DIAPH2: variants seen among roughly 807,000 people sequenced by gnomAD.
The protein encoded by DIAPH2 is diaphanous related formin 2, also known as protein diaphanous homolog 2.
Under a neutral mutation model 92.7 loss-of-function variants are expected in DIAPH2, and 35 were observed. The ratio of observed to expected loss-of-function variants is 0.38; its 90% CI spans 0.29 to 0.50. The LOEUF (loss-of-function observed/expected upper bound fraction) is 0.50, where lower values mean the gene tolerates loss of function less well. Among genes scored for constraint, DIAPH2 ranks in the 20% least tolerant of loss-of-function variants. The pLI is 0.94. For synonymous variants in DIAPH2, 301 were observed against 280.4 expected (o/e 1.07, Z -0.73); for missense variants, 701 against 819.5 (o/e 0.86, Z 1.77).
intron 7 of DIAPH2, among the ~76,000 whole-genome samples, chrX:96,915,603 A>G (rs1467268337): frequency 4.5e-5 from 5 of 111,257 alleles, no homozygotes; most frequent in African/African-American, 1.3e-4. Flanking sequence ...TTTTGCTCCG[A>G]TGAAATATCC....
At chrX:96,878,945 G>A (rs2065195819) in intron 4 of DIAPH2, among the ~76,000 whole-genome samples, 1 of 111,589 alleles carries the variant, frequency 9.0e-6, no homozygotes, top group Non-Finnish European at 1.9e-5. Flanking sequence ...TCTTCAGCAT[G>A]TTGAAACTCA....
At chrX:97,071,078 A>C (rs144244327) in intron 17 of DIAPH2, among the ~76,000 whole-genome samples, 1,991 of 111,042 alleles carry the variant, frequency 0.018, 22 homozygotes, top group Non-Finnish European at 0.029. Context: ...AATTTTCTTG[A>C]CTATTTCCTT....
intron 25 of DIAPH2, among the ~76,000 whole-genome samples, chrX:97,420,896 C>G (rs2070001800): frequency 1.8e-5 from 2 of 111,959 alleles, no homozygotes; most frequent in South Asian, 7.4e-4. Flanking sequence ...TATTTATGCC[C>G]TCTTCTAATC....
At chrX:96,792,276 T>C (rs1236085515) in intron 4 of DIAPH2, among the ~76,000 whole-genome samples, 1 of 111,998 alleles carries the variant, frequency 8.9e-6, no homozygotes, top group East Asian at 2.8e-4. Context: ...CAGTCCTTGA[T>C]TGCTCCTTTT....
At chrX:97,542,526 C>T (rs902889747) in intron 26 of DIAPH2, among the ~76,000 whole-genome samples, 4 of 112,178 alleles carry the variant, frequency 3.6e-5, no homozygotes, top group African/African-American at 1.3e-4. Context: ...TTGCTCTAAG[C>T]GAAGGCAGTT....
chrX:96,856,785 C>T (rs1420906131), intron 4 of DIAPH2, among the ~76,000 whole-genome samples: 1 of 110,361 alleles, frequency 9.1e-6, no homozygotes, highest in African/African-American at 3.3e-5. Context: ...CCCTGTAATC[C>T]CAGCACTTGG....
chrX:97,417,713 C>T (rs143061062), intron 25 of DIAPH2, among the ~76,000 whole-genome samples: 178 of 110,248 alleles, frequency 1.6e-3, no homozygotes, highest in African/African-American at 4.7e-3. Context: ...AGTTAAGTTC[C>T]GGCGTAAAAA....
At chrX:96,891,494 G>T (rs2065306721) in intron 5 of DIAPH2, among the ~76,000 whole-genome samples, 1 of 111,939 alleles carries the variant, frequency 8.9e-6, no homozygotes, top group Non-Finnish European at 1.9e-5. Flanking sequence ...GTTTATGAAA[G>T]GAAGCAGTGC....
At chrX:97,190,776 G>A (rs1312461072) in intron 22 of DIAPH2, among the ~76,000 whole-genome samples, 3 of 104,937 alleles carry the variant, frequency 2.9e-5, no homozygotes, top group African/African-American at 1.1e-4. Context: ...GGAGGTTGCA[G>A]TGAGCTGAGA....
intron 24 of DIAPH2, among the ~76,000 whole-genome samples, chrX:97,351,264 A>G: frequency 8.9e-6 from 1 of 112,391 alleles, no homozygotes; most frequent in Non-Finnish European, 1.9e-5. Flanking sequence ...AACCTATGCT[A>G]TACAGATGTA....
intron 4 of DIAPH2, among the ~76,000 whole-genome samples, chrX:96,833,126 C>G (rs1476727039): frequency 1.8e-5 from 2 of 110,701 alleles, no homozygotes; most frequent in African/African-American, 6.6e-5. Flanking sequence ...GAAATGCCTA[C>G]TTTTTACAGG....
intron 17 of DIAPH2, among the ~76,000 whole-genome samples, chrX:97,054,835 T>A (rs946702791): frequency 9.1e-6 from 1 of 110,235 alleles, no homozygotes; most frequent in Non-Finnish European, 1.9e-5. Context: ...ACCCCAGTAA[T>A]GAATGTGTAG....
chrX:97,165,747 C>A (rs2067407699), intron 22 of DIAPH2, among the ~76,000 whole-genome samples: 1 of 109,863 alleles, frequency 9.1e-6, no homozygotes, highest in Non-Finnish European at 1.9e-5. Flanking sequence ...AAGTGATCCT[C>A]CCGCCTCGGC....
chrX:97,066,510 C>T (rs1462431188), intron 17 of DIAPH2, among the ~76,000 whole-genome samples: 2 of 111,853 alleles, frequency 1.8e-5, no homozygotes, highest in Non-Finnish European at 3.8e-5. Flanking sequence ...AATGTATCCA[C>T]ATCATTAAAC....
At chrX:96,852,791 T>C (rs139026484) in intron 4 of DIAPH2, among the ~76,000 whole-genome samples, 170 of 112,299 alleles carry the variant, frequency 1.5e-3, no homozygotes, top group African/African-American at 5.0e-3. Context: ...ATTCTGCTAA[T>C]TGATCCTTTA....
chrX:96,784,697 A>G (rs1405839469), intron 4 of DIAPH2, among the ~76,000 whole-genome samples: 2 of 112,504 alleles, frequency 1.8e-5, no homozygotes, highest in Non-Finnish European at 1.9e-5. Context: ...GACATGATGG[A>G]ATATGGTCCA....
chrX:96,951,711 A>G (rs1389919153), intron 15 of DIAPH2, among the ~76,000 whole-genome samples: 1 of 111,782 alleles, frequency 8.9e-6, no homozygotes, highest in Admixed American at 9.6e-5. Flanking sequence ...TGGTAGCCTA[A>G]TTTAATTATT....
intron 19 of DIAPH2, among the ~76,000 whole-genome samples, chrX:97,093,011 C>G (rs1367959064): frequency 9.7e-6 from 1 of 103,308 alleles, no homozygotes; most frequent in African/African-American, 3.4e-5. Context: ...ATAGTGACAC[C>G]CTGTCACTAT....
chrX:96,798,316 G>C (rs1234468363), intron 4 of DIAPH2, among the ~76,000 whole-genome samples: 2 of 110,332 alleles, frequency 1.8e-5, no homozygotes, highest in Admixed American at 1.9e-4. Flanking sequence ...TTCCCTCTCT[G>C]TGCTTCAGAT....
Sources: gnomAD v4.1 joint callset for allele counts (sites outside exome capture counted in the v4.1 genomes callset) on GRCh38, gnomAD v4.1.1 for gene constraint, MANE v1.5 for transcripts, NCBI Gene and HGNC (gene_info 2026-07-23, HGNC 2026-07-21) for gene names.